The following ACAT1 variants were observed in gnomAD, a reference collection of about 807,000 sequenced individuals.
ACAT1 encodes acetyl-CoA acetyltransferase, mitochondrial.
Under a neutral mutation model 47.3 loss-of-function variants are expected in ACAT1, and 28 were observed. The ratio of observed to expected loss-of-function variants is 0.59; its 90% CI spans 0.44 to 0.81. The LOEUF (loss-of-function observed/expected upper bound fraction) is 0.81. Among genes scored for constraint, ACAT1 ranks in the 30% least tolerant of loss-of-function variants. ACAT1 has a pLI of 0.00. For missense variants in ACAT1, 469 were observed against 524.3 expected (o/e 0.89, Z 1.03); for synonymous variants, 181 against 173.6 (o/e 1.04, Z -0.34).
chr11:108,120,307 G>C (rs2077125682), upstream of ACAT1, among the ~76,000 whole-genome samples: 1 of 152,064 alleles, frequency 6.6e-6, no homozygotes, highest in African/African-American at 2.4e-5. Context: ...GACCAGCCTG[G>C]GCAACATAGC....
intron 2 of ACAT1, 63 bp downstream of exon 2, chr11:108,132,017 A>G (rs984418007): frequency 9.7e-7 from 1 of 1,032,544 alleles, no homozygotes; most frequent in Admixed American, 1.8e-5. Context: ...ATAAAAATGC[A>G]TATACTTATG....
intron 1 of ACAT1, among the ~76,000 whole-genome samples, chr11:108,130,247 A>G (rs2135318728): frequency 6.6e-6 from 1 of 152,062 alleles, no homozygotes; most frequent in South Asian, 2.1e-4. Context: ...TCCATTCTTG[A>G]TCCCATCAGC....
chr11:108,135,020 CATGAT>C (rs1591363474), intron 4 of ACAT1, 117 bp from the exon 5 acceptor site: 1 of 633,320 alleles, frequency 1.6e-6, no homozygotes, highest in East Asian at 3.0e-5. Context: ...ATATTAAATG[CATGAT>C]ATAATTTGTA....
At chr11:108,131,354 A>ATTTTTTTTTTTGTTTTTTTTTT (rs2077353579) in intron 1 of ACAT1, among the ~76,000 whole-genome samples, 1 of 62,660 alleles carries the variant, frequency 1.6e-5, no homozygotes, top group Non-Finnish European at 3.0e-5. Flanking sequence ...AAGACTTGGA[A>ATTTTTTTTTTTGTTTTTTTTTT]TTTTTTTTTT....
chr11:108,145,770 T>A (rs1481330032), intron 10 of ACAT1, among the ~76,000 whole-genome samples: 2 of 152,040 alleles, frequency 1.3e-5, no homozygotes, highest in East Asian at 3.9e-4. Flanking sequence ...ATGGGCCGGG[T>A]GCGGTGGCTC....
At position 108,131,914 on chromosome 11, in the gene ACAT1, GAT is replaced by G. The variant is rs749873354; in HGVS notation, c.83_84del (p.Tyr28CysfsTer38). ...TAAATATTTATATTACAGGAAATAA[GAT>G]ATGTGGAACGGAGTTATGTATCAAA... On this transcript the variant is annotated frameshift_variant, in exon 2 of 12. Coordinates refer to ENST00000265838, the MANE Select transcript of ACAT1 (RefSeq NM_000019.4). LOFTEE classifies it high-confidence loss of function. The G allele has an allele frequency of 9.9e-6, 14 of 1,417,358 alleles. No homozygotes were observed. Among genetic ancestry groups the G allele is most frequent in the East Asian group, 7.0e-5 (3 of 43,006 alleles). The allele number at this position is 1,417,358 out of a possible 1,614,324, so 87.8% of individuals were successfully genotyped here.
chr11:108,130,120 C>T (rs920182600), intron 1 of ACAT1, among the ~76,000 whole-genome samples: 10 of 151,924 alleles, frequency 6.6e-5, no homozygotes, highest in African/African-American at 2.2e-4. Flanking sequence ...TTGTTCTAAC[C>T]GCTGCTTTTC....
intron 4 of ACAT1, 95 bp from the exon 5 acceptor site, chr11:108,135,047 A>G (rs2077442756): frequency 2.5e-6 from 2 of 807,892 alleles, no homozygotes; most frequent in South Asian, 1.5e-5. Context: ...TTATATTGGC[A>G]GAAGAAATGT....
intron 2 of ACAT1, 87 bp from the exon 3 acceptor site, chr11:108,133,733 G>T: frequency 1.8e-6 from 2 of 1,124,396 alleles, no homozygotes; most frequent in Non-Finnish European, 2.7e-6. Context: ...TCATAGAAGT[G>T]TTTTTTTGAT....
intron 8 of ACAT1, 65 bp downstream of exon 8, chr11:108,141,765 T>C (rs1321074310): frequency 2.8e-6 from 3 of 1,072,892 alleles, no homozygotes; most frequent in Non-Finnish European, 4.1e-6. Context: ...GTTCTTAGAA[T>C]TGCCTAAGGA....
chr11:108,144,836 G>T (rs1372885568), intron 10 of ACAT1, among the ~76,000 whole-genome samples: 1 of 152,160 alleles, frequency 6.6e-6, no homozygotes, highest in Non-Finnish European at 1.5e-5. Flanking sequence ...TTCTGAAAGT[G>T]AGTAACATCA....
intron 5 of ACAT1, chr11:108,136,149 A>G (rs765256468): frequency 3.1e-6 from 2 of 643,272 alleles, no homozygotes; most frequent in Admixed American, 5.6e-5. Context: ...AAGAATCAAG[A>G]TTCTCTCAGA....
chr11:108,141,752 C>T, intron 8 of ACAT1, 52 bp downstream of exon 8: 2 of 1,253,302 alleles, frequency 1.6e-6, no homozygotes, highest in Non-Finnish European at 2.3e-6. Flanking sequence ...TATACCATAT[C>T]TAGTTCTTAG....
At chr11:108,141,466 A>AG in intron 7 of ACAT1, 139 bp from the exon 8 acceptor site, 1 of 649,154 alleles carries the variant, frequency 1.5e-6, no homozygotes, top group Non-Finnish European at 2.8e-6. Context: ...AACAGATTCT[A>AG]GATGAGTGTT....
intron 6 of ACAT1, 123 bp from the exon 7 acceptor site, chr11:108,139,942 C>T (rs2077553802): frequency 7.2e-6 from 9 of 1,256,926 alleles, no homozygotes; most frequent in African/African-American, 1.5e-5. Context: ...TGAGCCACCA[C>T]CTCCGGCCTA....
chr11:108,135,079 C>G (rs1315502074), intron 4 of ACAT1, 63 bp from the exon 5 acceptor site: 2 of 1,096,734 alleles, frequency 1.8e-6, no homozygotes, highest in Non-Finnish European at 2.8e-6. Context: ...GTAACATGCT[C>G]TATTAAGTTC....
At chr11:108,130,881 C>T (rs1338070057) in intron 1 of ACAT1, among the ~76,000 whole-genome samples, 1 of 152,180 alleles carries the variant, frequency 6.6e-6, no homozygotes, top group Non-Finnish European at 1.5e-5. Context: ...TCCTGAGTGG[C>T]TGGGATTACA....
chr11:108,139,211 G>T, intron 6 of ACAT1, 170 bp downstream of exon 6: 1 of 816,306 alleles, frequency 1.2e-6, no homozygotes, highest in Non-Finnish European at 1.9e-6. Context: ...GCATGGCTCA[G>T]TCATTAAAGA....
intron 1 of ACAT1, among the ~76,000 whole-genome samples, chr11:108,125,798 C>T (rs1243834163): frequency 6.6e-6 from 1 of 151,666 alleles, no homozygotes; most frequent in Non-Finnish European, 1.5e-5. Context: ...TGGTGGCGGG[C>T]GCTTGTAGTC....
Sources: gnomAD v4.1 joint callset for allele counts (sites outside exome capture counted in the v4.1 genomes callset) on GRCh38, gnomAD v4.1.1 for gene constraint, MANE v1.5 for transcripts, NCBI Gene and HGNC (gene_info 2026-07-23, HGNC 2026-07-21) for gene names.